UHRF1: variants seen among roughly 807,000 people sequenced by gnomAD.
The protein encoded by UHRF1 is E3 ubiquitin-protein ligase UHRF1.
In UHRF1, 9 loss-of-function variants were observed where a neutral mutation model predicts 96.5. The observed-to-expected ratio is 0.09, with a 90% confidence interval of 0.06 to 0.16. UHRF1 has a LOEUF of 0.16. UHRF1 is among the 10% of genes least tolerant of loss of function. The pLI, the probability that UHRF1 is intolerant of heterozygous loss-of-function variation, is 1.00. For synonymous variants in UHRF1, 455 were observed against 469.9 expected, an observed-to-expected ratio of 0.97 and a Z score of 0.41; for missense variants, 626 against 1,131.1, an observed-to-expected ratio of 0.55 and a Z score of 6.40.
At chr19:4,936,668 G>T (rs558837968) in intron 5 of UHRF1, among the ~76,000 whole-genome samples, 1 of 151,996 alleles carries the variant, frequency 6.6e-6, no homozygotes, top group Non-Finnish European at 1.5e-5. Context: ...ATGGCTAGGC[G>T]CAGTGGCTCA....
At chr19:4,919,337 C>T (rs978022438) in intron 2 of UHRF1, among the ~76,000 whole-genome samples, 4 of 151,412 alleles carry the variant, frequency 2.6e-5, no homozygotes, top group African/African-American at 9.7e-5. Flanking sequence ...GAGTCTCGCT[C>T]TGTCACCCAG....
Position 4,951,395 on chromosome 19 carries a change from G to T in UHRF1, c.1818+399G>T, listed in dbSNP as rs368447261. ...AGAATGGGCCCTGCCTGGGCTTGTG[G>T]TGCTCATGTTCTGGACCGCGCTGAA... is the stretch of plus-strand genomic sequence containing the variant. On this transcript the variant is annotated intron_variant, in intron 13 of 16. Transcript: ENST00000650932. Among the ~76,000 whole-genome samples, 13 of 152,232 alleles carry T rather than the reference G, an allele frequency of 8.5e-5. No individual in the cohort carries two copies. In the East Asian group the frequency reaches 2.3e-3, roughly 27 times the overall value.
chr19:4,960,646 G>A lies in UHRF1; in HGVS notation c.2236-11G>A, dbSNP rs766297166. The stretch of plus-strand genomic sequence containing the variant: ...GGATGGCACTTCTCACGCGCCTGCT[G>A]TGTCTTACAGGACTGCCTGGACAGA... On this transcript the variant is annotated splice_polypyrimidine_tract_variant and intron_variant, in intron 16 of 16. Coordinates refer to ENST00000650932, the MANE Select transcript of UHRF1 (RefSeq NM_001048201.3). 2 of 1,612,710 alleles carry A rather than the reference G, an allele frequency of 1.2e-6. No homozygotes were observed. Among genetic ancestry groups the A allele is most frequent in the Admixed American group, 1.7e-5 (1 of 59,746 alleles).
chr19:4,905,118 T>C (rs968996548), upstream of UHRF1, among the ~76,000 whole-genome samples: 17 of 140,842 alleles, frequency 1.2e-4, no homozygotes, highest in Non-Finnish European at 2.0e-4. Context: ...CTTTTTTTTT[T>C]TTTTTTTTTT....
At chr19:4,956,598 A>G in intron 15 of UHRF1, 111 bp from the exon 16 acceptor site, 2 of 716,638 alleles carry the variant, frequency 2.8e-6, no homozygotes, top group South Asian at 3.2e-5. Flanking sequence ...TCCTGGAGTG[A>G]AGGCTGGGGA....
In UHRF1 at chr19:4,944,322, TTGTGTC is replaced by T; in HGVS notation, c.1198-16_1198-11del. 6.2e-7 allele frequency: 1 copy of T among 1,614,018 alleles called. No homozygotes were observed. Among genetic ancestry groups the T allele is most frequent in the Non-Finnish European group, 8.5e-7 (1 of 1,179,874 alleles). ...CTGCCAGGGCTCACGCTGTTGTTCT[TTGTGTC>T]TGTGCCTGGGACAGGGCATGGCCTG... On this transcript the variant is annotated splice_polypyrimidine_tract_variant and intron_variant, in intron 8 of 16. Coordinates refer to ENST00000650932, the MANE Select transcript of UHRF1 (RefSeq NM_001048201.3).
Position 4,941,184 on chromosome 19 carries a change from G to A in UHRF1, c.786-344G>A, listed in dbSNP as rs531723722. On this transcript the variant is annotated intron_variant, in intron 5 of 16. Transcript: ENST00000650932. ...TGGCTCACTGCAACCTCTGCCTCCCGGGTTCAAGTGATTCTTCTGCCTCAG... is the reference window on the plus strand; with the variant it reads ...TGGCTCACTGCAACCTCTGCCTCCCAGGTTCAAGTGATTCTTCTGCCTCAG... Among the ~76,000 whole-genome samples the A allele has an allele frequency of 7.0e-5, 10 of 143,572 alleles. No individual in the cohort carries two copies. The East Asian group carries it at 2.1e-3, about 31-fold the overall frequency. The allele number at this position is 143,572 out of a possible 152,430, so 94.2% of individuals were successfully genotyped here.
rs2034001965 is a variant in UHRF1, at chr19:4,962,135, A to C, written c.*1332A>C. The C allele has an allele frequency of 6.6e-6, 1 of 152,038 alleles. No individual in the cohort carries two copies. The highest frequency in any genetic ancestry group is 1.5e-5 in the Non-Finnish European group (1 of 67,990). The allele number at this position is 152,038 out of a possible 1,614,324, so 9.4% of individuals were successfully genotyped here. The stretch of plus-strand genomic sequence containing the variant: ...TGTCCAGATTTTAGATTCTCAGAAT[A>C]AATGTTTTTCACAGATAGACTTGAT... On this transcript the variant is annotated 3_prime_UTR_variant, in exon 17 of 17. Coordinates refer to ENST00000650932, the MANE Select transcript of UHRF1 (RefSeq NM_001048201.3).
chr19:4,925,061 A>G (rs2032824514), intron 2 of UHRF1, among the ~76,000 whole-genome samples: 2 of 151,978 alleles, frequency 1.3e-5, no homozygotes, highest in African/African-American at 4.8e-5. Context: ...TCCTGACTTC[A>G]AGTGATCCAC....
At chr19:4,905,707 G>C (rs538155081), upstream of UHRF1, among the ~76,000 whole-genome samples, 364 of 151,958 alleles carry the variant, frequency 2.4e-3, 3 homozygotes, top group African/African-American at 8.4e-3. Context: ...TAGTAGAGAC[G>C]GGGTTTCACC....
At chr19:4,917,848 CT>C (rs967993047) in intron 2 of UHRF1, among the ~76,000 whole-genome samples, 3 of 151,652 alleles carry the variant, frequency 2.0e-5, no homozygotes, top group African/African-American at 7.3e-5. Context: ...ATTGAAAAAA[CT>C]TTTTTGCAGA....
Position 4,911,006 on chromosome 19 carries a change from G to C in UHRF1, c.121G>C (p.Gly41Arg). 1 of 1,610,458 alleles carries C rather than the reference G, an allele frequency of 6.2e-7. No homozygotes were observed. Among genetic ancestry groups the C allele is most frequent in the Non-Finnish European group, 8.5e-7 (1 of 1,177,966 alleles). Reference protein sequence around the residue: ...KIQELFHVEPGLQRLFYRGKQ... With the variant: ...KIQELFHVEPRLQRLFYRGKQ... ...CCAGGAGCTGTTCCACGTGGAGCCA[G>C]GCCTGCAGAGGCTGTTCTACAGGGG... The change falls in exon 2 of 17, where the codon GGC becomes CGC. Residue 41 changes from glycine to arginine, a missense_variant. This residue lies in a region of UHRF1 where 1 missense variants were observed against 17.7 expected (regional missense o/e 0.06). Coordinates refer to ENST00000650932, the MANE Select transcript of UHRF1 (RefSeq NM_001048201.3).
intron 2 of UHRF1, among the ~76,000 whole-genome samples, chr19:4,920,260 C>T (rs550710303): frequency 2.6e-4 from 39 of 151,926 alleles, no homozygotes; most frequent in African/African-American, 8.9e-4. Context: ...GGTGAAACCT[C>T]GTCTCTACCA....
At chr19:4,909,840 CG>C (rs2032181762) in intron 1 of UHRF1, 185 bp downstream of exon 1, 1 of 401,354 alleles carries the variant, frequency 2.5e-6, no homozygotes, top group East Asian at 3.7e-5. Flanking sequence ...CGGCTGGAGC[CG>C]GGACCAGCGC....
chr19:4,953,939 G>A (rs1040181927), intron 13 of UHRF1, among the ~76,000 whole-genome samples: 3 of 151,756 alleles, frequency 2.0e-5, no homozygotes, highest in African/African-American at 7.3e-5. Context: ...CCAGCTACTC[G>A]GGAGGCTGAG....
Position 4,925,811 on chromosome 19 carries a change from C to T in UHRF1, c.154-3411C>T, listed in dbSNP as rs113465015. Reference sequence around the variant, plus strand: ...TGCTGGGATGACAGGCGTGAGCCACCGCACGCGGCCTGAGTCATATTTTGA... The same window carrying T: ...TGCTGGGATGACAGGCGTGAGCCACTGCACGCGGCCTGAGTCATATTTTGA... On this transcript the variant is annotated intron_variant, in intron 2 of 16. Coordinates refer to ENST00000650932, the MANE Select transcript of UHRF1 (RefSeq NM_001048201.3). Among the ~76,000 whole-genome samples the T allele has an allele frequency of 7.2e-3, 1,090 of 151,226 alleles. 12 individuals carry two copies. The highest frequency in any genetic ancestry group is 0.025 in the African/African-American group (1,037 of 41,296).
chr19:4,914,288 A>T (rs1323553314), intron 2 of UHRF1, among the ~76,000 whole-genome samples: 1 of 152,144 alleles, frequency 6.6e-6, no homozygotes, highest in Non-Finnish European at 1.5e-5. Flanking sequence ...AGCACCTCCC[A>T]GAGCGTGAAG....
At chr19:4,946,006 G>GT (rs951414282) in intron 10 of UHRF1, 41 bp downstream of exon 10, 3 of 1,441,918 alleles carry the variant, frequency 2.1e-6, no homozygotes, top group Non-Finnish European at 2.8e-6. Flanking sequence ...GGTTGCTCTA[G>GT]TTTTTTGGAT....
chr19:4,918,491 C>T (rs1439425133), intron 2 of UHRF1, among the ~76,000 whole-genome samples: 2 of 150,984 alleles, frequency 1.3e-5, no homozygotes, highest in African/African-American at 2.4e-5. Flanking sequence ...GATGTCAGCT[C>T]ACCGCAACCT....
Sources: gnomAD v4.1 joint callset for allele counts (sites outside exome capture counted in the v4.1 genomes callset) on GRCh38, gnomAD v4.1.1 for gene constraint, gnomAD v4.1.1 regional missense constraint, MANE v1.5 for transcripts, NCBI Gene and HGNC (gene_info 2026-07-23, HGNC 2026-07-21) for gene names.